The following GLIS3 variants were observed in gnomAD, a reference collection of about 807,000 sequenced individuals.
GLIS3 encodes zinc finger protein GLIS3.
A neutral mutation model predicts 78.6 loss-of-function variants in GLIS3; 53 were observed. That is an observed-to-expected ratio of 0.67 (90% CI 0.54 to 0.85). GLIS3 has a LOEUF of 0.85. Ranked by LOEUF, GLIS3 falls within the 40% of genes least tolerant of loss-of-function variation. The pLI, the probability that GLIS3 is intolerant of heterozygous loss-of-function variation, is 0.00. For missense variants in GLIS3, 1,703 were observed against 1,231.1 expected (o/e 1.38, Z -5.74); for synonymous variants, 684 against 509.9 (o/e 1.34, Z -4.60).
the GLIS3 span, among the ~76,000 whole-genome samples, chr9:4,474,993 TTC>T: frequency 0.25 from 27,790 of 111,276 alleles, 5,152 homozygotes; most frequent in Non-Finnish European, 0.33. Context: ...TAATTTTTTT[TTC>T]TTTTTTTTTT....
intron 2 of GLIS3, among the ~76,000 whole-genome samples, chr9:4,324,395 A>C (rs1372931516): frequency 6.6e-6 from 1 of 152,208 alleles, no homozygotes; most frequent in Admixed American, 6.5e-5. Flanking sequence ...TATTTTCATC[A>C]GTAAAATGGT....
intron 9 of GLIS3, among the ~76,000 whole-genome samples, chr9:3,849,148 AG>A (rs147166704): frequency 0.019 from 2,957 of 152,328 alleles, 47 homozygotes; most frequent in Non-Finnish European, 0.03. Flanking sequence ...GCAAAATAAG[AG>A]CACACAGTGG....
chr9:4,130,413 G>C (rs1303454819), intron 2 of GLIS3, among the ~76,000 whole-genome samples: 2 of 152,228 alleles, frequency 1.3e-5, no homozygotes, highest in African/African-American at 4.8e-5. Context: ...CAGGCCCAAA[G>C]GCCTAAGAGG....
At chr9:4,105,896 A>C (rs537575852) in intron 4 of GLIS3, among the ~76,000 whole-genome samples, 2 of 152,158 alleles carry the variant, frequency 1.3e-5, no homozygotes, top group Non-Finnish European at 2.9e-5. Context: ...AAGAAGTTAG[A>C]GTCCTCACCA....
upstream of GLIS3, among the ~76,000 whole-genome samples, chr9:4,302,109 T>C (rs1281585063): frequency 6.6e-6 from 1 of 152,094 alleles, no homozygotes; most frequent in Non-Finnish European, 1.5e-5. Context: ...CAGAATGAGA[T>C]CTGTACCTCT....
chr9:4,253,023 A>T (rs1426207452), intron 2 of GLIS3, among the ~76,000 whole-genome samples: 1 of 152,188 alleles, frequency 6.6e-6, no homozygotes, highest in African/African-American at 2.4e-5. Context: ...TGCCAGCTGA[A>T]GCTCTCCTGT....
intron 4 of GLIS3, among the ~76,000 whole-genome samples, chr9:4,042,956 A>G (rs1030220183): frequency 3.7e-4 from 57 of 152,144 alleles, no homozygotes; most frequent in Admixed American, 2.0e-3. Flanking sequence ...AAAAGAAAAA[A>G]AAAAAAAAAG....
intron 2 of GLIS3, among the ~76,000 whole-genome samples, chr9:4,283,310 G>A (rs1388884553): frequency 4.0e-5 from 6 of 148,824 alleles, no homozygotes; most frequent in Non-Finnish European, 7.4e-5. Context: ...TTCTTGCCCC[G>A]GCTGGAGTGC....
At chr9:4,473,459 A>G in the GLIS3 span, among the ~76,000 whole-genome samples, 29 of 148,472 alleles carry the variant, frequency 2.0e-4, no homozygotes, top group South Asian at 3.9e-3. Flanking sequence ...AACAACAACA[A>G]CAAAAAAAAA....
chr9:3,894,921 A>T (rs1252992116), intron 7 of GLIS3, among the ~76,000 whole-genome samples: 1 of 152,166 alleles, frequency 6.6e-6, no homozygotes, highest in African/African-American at 2.4e-5. Flanking sequence ...CAAACATCTC[A>T]ACCACACTGG....
intron 2 of GLIS3, among the ~76,000 whole-genome samples, chr9:4,275,981 C>T (rs1302163985): frequency 3.3e-5 from 5 of 151,844 alleles, no homozygotes; most frequent in African/African-American, 9.7e-5. Context: ...CTTTAACCAC[C>T]TTAGAAAATG....
intron 9 of GLIS3, among the ~76,000 whole-genome samples, chr9:3,833,880 C>T (rs1486085101): frequency 6.6e-6 from 1 of 152,148 alleles, no homozygotes; most frequent in African/African-American, 2.4e-5. Flanking sequence ...AGAATCATTC[C>T]TCCTTCTCTC....
At chr9:4,307,585 A>G (rs1483253305) in intron 4 of GLIS3, among the ~76,000 whole-genome samples, 2 of 152,132 alleles carry the variant, frequency 1.3e-5, no homozygotes, top group Non-Finnish European at 2.9e-5. Flanking sequence ...GGAACCTATG[A>G]ATATGTTAGA....
At chr9:4,096,194 G>C (rs879514753) in intron 4 of GLIS3, among the ~76,000 whole-genome samples, 1 of 152,102 alleles carries the variant, frequency 6.6e-6, no homozygotes, top group Non-Finnish European at 1.5e-5. Context: ...CACCAAAAGT[G>C]ACTTAAAATC....
intron 4 of GLIS3, among the ~76,000 whole-genome samples, chr9:3,984,685 G>T (rs1462060421): frequency 2.0e-5 from 3 of 152,126 alleles, no homozygotes; most frequent in Non-Finnish European, 2.9e-5. Flanking sequence ...GAAATGTGAG[G>T]ACATAAAATT....
chr9:4,306,659 G>A (rs886530715), intron 4 of GLIS3, among the ~76,000 whole-genome samples: 2 of 152,174 alleles, frequency 1.3e-5, no homozygotes, highest in Admixed American at 6.5e-5. Context: ...AATAGAGAAG[G>A]AATCATAGAG....
intron 6 of GLIS3, among the ~76,000 whole-genome samples, chr9:3,906,683 G>A (rs747290987): frequency 2.6e-5 from 4 of 152,088 alleles, no homozygotes; most frequent in Admixed American, 2.0e-4. Flanking sequence ...TCAGGCTCTC[G>A]TCTCTCACCA....
chr9:4,195,566 T>G (rs1203980365), intron 2 of GLIS3, among the ~76,000 whole-genome samples: 2 of 152,228 alleles, frequency 1.3e-5, no homozygotes, highest in African/African-American at 2.4e-5. Context: ...CAGCCCGCCA[T>G]GCCCGAGCTC....
At chr9:4,483,861 T>C in the GLIS3 span, among the ~76,000 whole-genome samples, 9 of 152,174 alleles carry the variant, frequency 5.9e-5, no homozygotes, top group African/African-American at 2.2e-4. Context: ...TTCAGTTTCC[T>C]CAGCTGTAAG....
Sources: gnomAD v4.1 joint callset for allele counts (sites outside exome capture counted in the v4.1 genomes callset) on GRCh38, gnomAD v4.1.1 for gene constraint, MANE v1.5 for transcripts, NCBI Gene and HGNC (gene_info 2026-07-23, HGNC 2026-07-21) for gene names.